Variants in DENND5B observed in about 807,000 individuals in gnomAD.
DENND5B encodes the protein DENN domain-containing protein 5B.
A neutral mutation model predicts 140.6 loss-of-function variants in DENND5B; 34 were observed. The ratio of observed to expected loss-of-function variants is 0.24; its 90% CI spans 0.18 to 0.32. The LOEUF is 0.32. Ranked by LOEUF, DENND5B falls within the 10% of genes least tolerant of loss-of-function variation. DENND5B has a pLI of 1.00. For synonymous variants in DENND5B, 551 were observed against 562.1 expected (o/e 0.98, Z 0.28); for missense variants, 1,142 against 1,560.2 (o/e 0.73, Z 4.52).
At chr12:31,478,515 C>G (rs11610800) in intron 3 of DENND5B, among the ~76,000 whole-genome samples, 15,244 of 151,972 alleles carry the variant, frequency 0.1, 992 homozygotes, top group East Asian at 0.25. Context: ...GAGTCCAGGG[C>G]AAGACAGTGA....
intron 1 of DENND5B, chr12:31,535,021 C>T (rs939885697): frequency 3.3e-5 from 7 of 214,344 alleles, no homozygotes; most frequent in East Asian, 3.8e-4. Flanking sequence ...TTGCAGTGAG[C>T]GCAGATTGCA....
chr12:31,424,867 T>C (rs1484917987), intron 9 of DENND5B, among the ~76,000 whole-genome samples, 180 bp from the exon 10 acceptor site: 4 of 152,182 alleles, frequency 2.6e-5, no homozygotes, highest in African/African-American at 9.6e-5. Context: ...ATATAATTTA[T>C]ATGTCACTAT....
At chr12:31,471,253 T>TC (rs1277844824) in intron 3 of DENND5B, among the ~76,000 whole-genome samples, 1 of 152,126 alleles carries the variant, frequency 6.6e-6, no homozygotes, top group African/African-American at 2.4e-5. Flanking sequence ...GTTTTGTGGT[T>TC]CCCCCATGTG....
intron 1 of DENND5B, among the ~76,000 whole-genome samples, chr12:31,530,979 C>T (rs888502226): frequency 1.1e-4 from 16 of 151,992 alleles, no homozygotes; most frequent in African/African-American, 3.4e-4. Flanking sequence ...GAGAAAGGTC[C>T]GAAACACAAA....
intron 1 of DENND5B, among the ~76,000 whole-genome samples, chr12:31,499,094 T>C (rs1215652603): frequency 2.0e-5 from 3 of 151,826 alleles, no homozygotes; most frequent in African/African-American, 7.3e-5. Context: ...GAACAACCTA[T>C]ACTTCTCATT....
intron 1 of DENND5B, among the ~76,000 whole-genome samples, chr12:31,530,327 C>G (rs1487040956): frequency 6.6e-6 from 1 of 152,010 alleles, no homozygotes. Context: ...GAGCCAAGAT[C>G]GTGCCATTGC....
intron 2 of DENND5B, among the ~76,000 whole-genome samples, chr12:31,494,218 ACCTC>A (rs1946674138): frequency 1.6e-5 from 1 of 64,412 alleles, no homozygotes; most frequent in Non-Finnish European, 3.3e-5. Context: ...CTACCTACCT[ACCTC>A]TACCTACCTA....
chr12:31,533,832 C>G (rs1011602963), intron 1 of DENND5B, among the ~76,000 whole-genome samples: 1 of 151,756 alleles, frequency 6.6e-6, no homozygotes, highest in African/African-American at 2.4e-5. Flanking sequence ...ACCTAGCTAA[C>G]TGCTTTCCTA....
intron 3 of DENND5B, among the ~76,000 whole-genome samples, chr12:31,462,201 C>G (rs1200447604): frequency 6.6e-6 from 1 of 152,114 alleles, no homozygotes; most frequent in African/African-American, 2.4e-5. Flanking sequence ...ACAGCCAAGG[C>G]CCACTGAAGA....
At chr12:31,526,632 T>C (rs1948093562) in intron 1 of DENND5B, among the ~76,000 whole-genome samples, 1 of 152,172 alleles carries the variant, frequency 6.6e-6, no homozygotes, top group Non-Finnish European at 1.5e-5. Flanking sequence ...CATAACTAAA[T>C]GCAATGTGGT....
intron 1 of DENND5B, among the ~76,000 whole-genome samples, chr12:31,582,990 C>T (rs1422700354): frequency 6.6e-6 from 1 of 152,144 alleles, no homozygotes; most frequent in Non-Finnish European, 1.5e-5. Context: ...TCAGTTTCCT[C>T]CTGTGTACAA....
chr12:31,451,929 GTTC>G lies in DENND5B; in HGVS notation c.1629+8_1629+10del. The stretch of plus-strand genomic sequence containing the variant: ...TAATAACCACAAAAGGAAAACTATG[GTTC>G]TTTTTACTTTGTCAAAGTTCTGCAT... On this transcript the variant is annotated splice_region_variant and intron_variant, in intron 5 of 20. Coordinates refer to ENST00000389082, the MANE Select transcript of DENND5B (RefSeq NM_144973.4). 6.2e-7 allele frequency: 1 copy of G among 1,612,510 alleles called. No homozygotes were observed. The highest frequency in any genetic ancestry group is 8.5e-7 in the Non-Finnish European group (1 of 1,179,498).
In DENND5B at chr12:31,383,024, G is replaced by A. The variant is rs933742967; in HGVS notation, c.*4579C>T. On this transcript the variant is annotated 3_prime_UTR_variant, in exon 21 of 21. Transcript: ENST00000389082. ...GACTTCAAAAGACATGGATGACTTG[G>A]AAATAGGATTCACTTTATAAAAGTA... is the stretch of plus-strand genomic sequence containing the variant. 1 of 152,148 alleles carries A rather than the reference G, an allele frequency of 6.6e-6. No individual in the cohort carries two copies. Among genetic ancestry groups the A allele is most frequent in the African/African-American group, 2.4e-5 (1 of 41,436 alleles). The allele number at this position is 152,148 out of a possible 1,614,324, so 9.4% of individuals were successfully genotyped here.
chr12:31,456,518 G>A (rs1213488665), intron 4 of DENND5B, among the ~76,000 whole-genome samples: 1 of 152,092 alleles, frequency 6.6e-6, no homozygotes, highest in African/African-American at 2.4e-5. Flanking sequence ...ATTTGTAAAT[G>A]ACTTTTTTGA....
intron 1 of DENND5B, among the ~76,000 whole-genome samples, chr12:31,545,950 CAAAAA>C (rs57460264): frequency 3.4e-3 from 122 of 36,394 alleles, no homozygotes; most frequent in Middle Eastern, 0.026. Flanking sequence ...GACACTGTCT[CAAAAA>C]AAAAAAAAAA....
chr12:31,515,936 A>G (rs2138958787), intron 1 of DENND5B, among the ~76,000 whole-genome samples: 1 of 152,346 alleles, frequency 6.6e-6, no homozygotes, highest in Middle Eastern at 3.4e-3. Context: ...AGAGACAATT[A>G]TAGCACAATG....
At chr12:31,396,631 C>T (rs1941488007) in intron 17 of DENND5B, 1 of 152,144 alleles carries the variant, frequency 6.6e-6, no homozygotes, top group African/African-American at 2.4e-5. Context: ...AAAACCCCCC[C>T]AAAAAAGACA....
chr12:31,497,718 G>A (rs1946813159), intron 1 of DENND5B, among the ~76,000 whole-genome samples: 1 of 138,786 alleles, frequency 7.2e-6, no homozygotes, highest in Non-Finnish European at 1.5e-5. Context: ...GATCACTTGA[G>A]ACCAGCAACA....
chr12:31,480,239 C>G lies in DENND5B; in HGVS notation c.254G>C (p.Gly85Ala). The G allele has an allele frequency of 6.4e-7, 1 of 1,573,692 alleles. No homozygotes were observed. Among genetic ancestry groups the G allele is most frequent in the East Asian group, 2.3e-5 (1 of 44,118 alleles). Reference sequence around the variant, plus strand: ...GTCCGTTTGTGTCCTGAAAGATAGCCCTTTAGGCATGCACAACTGTGAAAG... The same window carrying G: ...GTCCGTTTGTGTCCTGAAAGATAGCGCTTTAGGCATGCACAACTGTGAAAG... ...DAVNMLCMPK[G>A]LSFRTQTDNK... The change falls in exon 3 of 21, where the codon GGG becomes GCG. Residue 85 changes from glycine (G) to alanine (A), a missense_variant. By Grantham distance (60) the Gly-to-Ala change is moderately conservative. Coordinates refer to ENST00000389082, the MANE Select transcript of DENND5B (RefSeq NM_144973.4).
Sources: gnomAD v4.1 joint callset for allele counts (sites outside exome capture counted in the v4.1 genomes callset) on GRCh38, gnomAD v4.1.1 for gene constraint, MANE v1.5 for transcripts, NCBI Gene and HGNC (gene_info 2026-07-23, HGNC 2026-07-21) for gene names.